Variants in RSU1 observed in about 807,000 individuals in gnomAD.
The protein encoded by RSU1 is Ras suppressor protein 1, also known as rsu-1.
In RSU1, 26 loss-of-function variants were observed where a neutral mutation model predicts 31.1. The observed-to-expected ratio is 0.84, with a 90% CI of 0.61 to 1.16. The LOEUF (loss-of-function observed/expected upper bound fraction) is 1.16, where lower values mean the gene tolerates loss of function less well. Ranked by LOEUF, RSU1 falls within the 50% of genes most tolerant of loss-of-function variation. The pLI, the probability that RSU1 is intolerant of heterozygous loss-of-function variation, is 0.00. For missense variants in RSU1, 320 were observed against 339.1 expected (o/e 0.94, Z 0.44); for synonymous variants, 164 against 136.3 (o/e 1.20, Z -1.41).
At chr10:16,615,993 A>C (rs1833969481) in intron 8 of RSU1, among the ~76,000 whole-genome samples, 1 of 152,186 alleles carries the variant, frequency 6.6e-6, no homozygotes, top group East Asian at 1.9e-4. Flanking sequence ...ACAAATTCAA[A>C]AGCTAGCAGA....
intron 3 of RSU1, 131 bp downstream of exon 3, chr10:16,781,903 C>G: frequency 1.3e-6 from 1 of 744,770 alleles, no homozygotes. Flanking sequence ...CTTAGTGTCA[C>G]CAAAGTAAAC....
chr10:16,613,256 A>G (rs888522108), intron 8 of RSU1, among the ~76,000 whole-genome samples: 3 of 152,240 alleles, frequency 2.0e-5, no homozygotes, highest in Admixed American at 6.5e-5. Flanking sequence ...CACGTTGTAT[A>G]TTAAGCATGA....
intron 8 of RSU1, among the ~76,000 whole-genome samples, chr10:16,619,580 G>A (rs937785969): frequency 2.6e-5 from 4 of 152,152 alleles, no homozygotes; most frequent in Admixed American, 2.0e-4. Flanking sequence ...GAAGTGCCTC[G>A]TGTGTTTCCT....
chr10:16,720,182 G>A (rs1002068702), intron 7 of RSU1, among the ~76,000 whole-genome samples: 1 of 152,312 alleles, frequency 6.6e-6, no homozygotes, highest in Admixed American at 6.5e-5. Flanking sequence ...AAACATGACA[G>A]TGGCAATGGC....
chr10:16,694,794 C>T (rs1835639266), intron 8 of RSU1, among the ~76,000 whole-genome samples: 1 of 152,006 alleles, frequency 6.6e-6, no homozygotes, highest in Non-Finnish European at 1.5e-5. Flanking sequence ...CCAGGCTGGT[C>T]TCAAACTCCT....
At chr10:16,678,821 C>T (rs1227544528) in intron 8 of RSU1, among the ~76,000 whole-genome samples, 1 of 152,100 alleles carries the variant, frequency 6.6e-6, no homozygotes, top group Non-Finnish European at 1.5e-5. Flanking sequence ...AGTTTATTGC[C>T]TATCCTTCAG....
intron 7 of RSU1, among the ~76,000 whole-genome samples, chr10:16,707,961 C>T (rs1453349586): frequency 6.6e-6 from 1 of 152,086 alleles, no homozygotes; most frequent in Non-Finnish European, 1.5e-5. Flanking sequence ...GCACCATTTA[C>T]TAAAGAGATT....
intron 3 of RSU1, among the ~76,000 whole-genome samples, chr10:16,779,819 A>G (rs1430791412): frequency 6.6e-6 from 1 of 152,182 alleles, no homozygotes; most frequent in East Asian, 1.9e-4. Flanking sequence ...CACTTGAAAA[A>G]CCATAGCAAA....
intron 8 of RSU1, among the ~76,000 whole-genome samples, chr10:16,631,703 T>G (rs995997797): frequency 7.9e-5 from 12 of 152,236 alleles, no homozygotes; most frequent in African/African-American, 2.9e-4. Context: ...GTCCTTTGTT[T>G]ATACTGCTGG....
intron 8 of RSU1, among the ~76,000 whole-genome samples, chr10:16,611,254 T>C (rs967062955): frequency 1.8e-4 from 28 of 152,116 alleles, no homozygotes; most frequent in African/African-American, 6.5e-4. Context: ...TCTGGGCCCA[T>C]TGCCAGGGAA....
chr10:16,806,055 T>C (rs1437513226), intron 2 of RSU1, among the ~76,000 whole-genome samples: 1 of 152,244 alleles, frequency 6.6e-6, no homozygotes, highest in Non-Finnish European at 1.5e-5. Context: ...TGTCAACTTG[T>C]ACTGTCATTA....
chr10:16,681,461 C>T (rs1027054193), intron 8 of RSU1, among the ~76,000 whole-genome samples: 3 of 151,744 alleles, frequency 2.0e-5, no homozygotes, highest in East Asian at 1.9e-4. Flanking sequence ...TCCATTTTCC[C>T]GTAACAATTT....
chr10:16,680,756 A>G (rs1433723553), intron 8 of RSU1, among the ~76,000 whole-genome samples: 2 of 152,202 alleles, frequency 1.3e-5, no homozygotes, highest in Non-Finnish European at 2.9e-5. Context: ...ACCTCCCACC[A>G]GGCCTCACCT....
At chr10:16,774,577 C>G (rs1837490332) in intron 3 of RSU1, among the ~76,000 whole-genome samples, 1 of 151,816 alleles carries the variant, frequency 6.6e-6, no homozygotes, top group Admixed American at 6.6e-5. Context: ...CTCAAACAAA[C>G]AAACAAAAAA....
chr10:16,598,875 G>A (rs1034541605), intron 8 of RSU1, among the ~76,000 whole-genome samples: 6 of 152,222 alleles, frequency 3.9e-5, no homozygotes, highest in Non-Finnish European at 7.3e-5. Flanking sequence ...TGGCCTGTCC[G>A]TGAGGATTCT....
At position 16,593,430 on chromosome 10, in the gene RSU1, C is replaced by A; in HGVS notation, c.798G>T (p.Lys266Asn). Residue 266 changes from lysine (K) to asparagine (N), a missense_variant, in exon 9 of 9, where the codon AAG becomes AAT. Coordinates refer to ENST00000345264, the MANE Select transcript of RSU1 (RefSeq NM_012425.4). ...PPKKNNDKSK[K>N]ISRKPLAAKN... ...TGGCTGCCAGGGGTTTCCGGCTGATCTTTTTCGATTTGTCATTATTCTTCT... is the reference window on the plus strand; with the variant it reads ...TGGCTGCCAGGGGTTTCCGGCTGATATTTTTCGATTTGTCATTATTCTTCT... 6.2e-7 allele frequency: 1 copy of A among 1,614,036 alleles called. No individual in the cohort carries two copies. Among genetic ancestry groups the A allele is most frequent in the South Asian group, 1.1e-5 (1 of 91,054 alleles).
chr10:16,736,273 T>C (rs1836625051), intron 7 of RSU1, among the ~76,000 whole-genome samples: 1 of 152,144 alleles, frequency 6.6e-6, no homozygotes, highest in South Asian at 2.1e-4. Context: ...ACAAGGAAGA[T>C]ATAACTACCA....
chr10:16,674,782 A>G, intron 8 of RSU1, among the ~76,000 whole-genome samples: 1 of 152,178 alleles, frequency 6.6e-6, no homozygotes, highest in South Asian at 2.1e-4. Context: ...CTGTAATCCC[A>G]GCACTGTGGG....
intron 8 of RSU1, among the ~76,000 whole-genome samples, chr10:16,640,498 C>G (rs549790409): frequency 1.4e-4 from 22 of 152,300 alleles, no homozygotes; most frequent in Admixed American, 2.0e-4. Context: ...TTCACATTTG[C>G]TACTAGAGGA....
Sources: gnomAD v4.1 joint callset for allele counts (sites outside exome capture counted in the v4.1 genomes callset) on GRCh38, gnomAD v4.1.1 for gene constraint, MANE v1.5 for transcripts, NCBI Gene and HGNC (gene_info 2026-07-23, HGNC 2026-07-21) for gene names.